SLC35F1: variants seen among roughly 807,000 people sequenced by gnomAD.
SLC35F1 encodes chromosome 6 open reading frame 169.
A neutral mutation model predicts 48.7 loss-of-function variants in SLC35F1; 14 were observed. That is an observed-to-expected ratio of 0.29 (90% CI 0.19 to 0.45). The LOEUF (loss-of-function observed/expected upper bound fraction) is 0.45, where lower values mean the gene tolerates loss of function less well. Ranked by LOEUF, SLC35F1 falls within the 20% of genes least tolerant of loss-of-function variation. SLC35F1 has a pLI of 1.00. For missense variants in SLC35F1, 404 were observed against 500.0 expected (o/e 0.81, Z 1.83); for synonymous variants, 190 against 202.2 (o/e 0.94, Z 0.51).
chr6:117,987,642 C>A (rs1165386895), intron 1 of SLC35F1, among the ~76,000 whole-genome samples: 3 of 152,058 alleles, frequency 2.0e-5, no homozygotes, highest in African/African-American at 7.2e-5. Flanking sequence ...TTAAGAATGG[C>A]ATGGGGGTGG....
intron 2 of SLC35F1, among the ~76,000 whole-genome samples, chr6:118,228,714 A>T (rs1251742471): frequency 6.6e-6 from 1 of 152,090 alleles, no homozygotes; most frequent in African/African-American, 2.4e-5. Context: ...CACACAAAAA[A>T]TACTCAAACT....
At chr6:117,962,883 G>T (rs1310216043) in intron 1 of SLC35F1, among the ~76,000 whole-genome samples, 1 of 152,190 alleles carries the variant, frequency 6.6e-6, no homozygotes, top group Admixed American at 6.5e-5. Flanking sequence ...GTGTGAAGGG[G>T]ACAGTGTGTT....
At chr6:117,913,156 G>C (rs1425382942) in intron 1 of SLC35F1, among the ~76,000 whole-genome samples, 1 of 152,224 alleles carries the variant, frequency 6.6e-6, no homozygotes, top group Non-Finnish European at 1.5e-5. Flanking sequence ...TCAGGCCAAT[G>C]AGCATGCCCT....
intron 1 of SLC35F1, among the ~76,000 whole-genome samples, chr6:118,021,434 A>G (rs5003341): frequency 0.028 from 4,288 of 152,270 alleles, 205 homozygotes; most frequent in African/African-American, 0.099. Context: ...GCATGTCCCT[A>G]TGGCCTTCTG....
chr6:118,099,668 C>G (rs768404859), intron 1 of SLC35F1, among the ~76,000 whole-genome samples: 3 of 152,046 alleles, frequency 2.0e-5, no homozygotes, highest in Non-Finnish European at 4.4e-5. Context: ...TAAAAATAGC[C>G]CGGTGGCCAA....
chr6:118,148,790 A>G (rs1774012741), intron 1 of SLC35F1, among the ~76,000 whole-genome samples: 1 of 152,192 alleles, frequency 6.6e-6, no homozygotes, highest in African/African-American at 2.4e-5. Context: ...CATATTTAGC[A>G]TCATTTTTGC....
intron 1 of SLC35F1, among the ~76,000 whole-genome samples, chr6:118,103,731 G>A (rs565484510): frequency 6.6e-6 from 1 of 152,326 alleles, no homozygotes; most frequent in Admixed American, 6.5e-5. Context: ...TTTTGAAAGG[G>A]TGGATTATGA....
At chr6:118,166,379 T>C (rs1774318446) in intron 2 of SLC35F1, among the ~76,000 whole-genome samples, 1 of 152,132 alleles carries the variant, frequency 6.6e-6, no homozygotes, top group African/African-American at 2.4e-5. Context: ...CTTACCAGAT[T>C]CAAAGCAGCA....
intron 1 of SLC35F1, among the ~76,000 whole-genome samples, chr6:118,032,099 T>A (rs1414163967): frequency 1.3e-5 from 2 of 152,218 alleles, no homozygotes; most frequent in Non-Finnish European, 2.9e-5. Flanking sequence ...TATTTCACAG[T>A]ATATTAACAA....
At chr6:118,308,580 A>T (rs1776338763) in intron 7 of SLC35F1, among the ~76,000 whole-genome samples, 1 of 152,136 alleles carries the variant, frequency 6.6e-6, no homozygotes, top group African/African-American at 2.4e-5. Flanking sequence ...AGATTCCAAG[A>T]CTCTACCCTT....
chr6:118,301,410 G>A (rs974722462), intron 7 of SLC35F1, among the ~76,000 whole-genome samples: 12 of 152,068 alleles, frequency 7.9e-5, no homozygotes, highest in African/African-American at 2.9e-4. Context: ...TTGATAGATT[G>A]CTTAGGGAAC....
chr6:118,019,588 C>G (rs1489993074), intron 1 of SLC35F1, among the ~76,000 whole-genome samples: 1 of 151,952 alleles, frequency 6.6e-6, no homozygotes, highest in African/African-American at 2.4e-5. Context: ...CGCTACTGCA[C>G]TCCAGCCTGG....
intron 2 of SLC35F1, among the ~76,000 whole-genome samples, chr6:118,233,317 T>C (rs1214137510): frequency 6.6e-6 from 1 of 152,210 alleles, no homozygotes; most frequent in African/African-American, 2.4e-5. Flanking sequence ...AGGTTGAGAA[T>C]CACTGATTGA....
chr6:118,250,029 T>C (rs1775553931), intron 3 of SLC35F1, among the ~76,000 whole-genome samples: 1 of 152,324 alleles, frequency 6.6e-6, no homozygotes. Flanking sequence ...CCCCAAGTGG[T>C]TCAGAGTAAT....
chr6:118,083,947 G>A (rs577047748), intron 1 of SLC35F1, among the ~76,000 whole-genome samples: 260 of 152,192 alleles, frequency 1.7e-3, no homozygotes, highest in African/African-American at 6.0e-3. Context: ...CTTTATACAC[G>A]GACACTTAGC....
chr6:117,925,819 T>G (rs1217695855), intron 1 of SLC35F1, among the ~76,000 whole-genome samples: 1 of 152,122 alleles, frequency 6.6e-6, no homozygotes, highest in Admixed American at 6.6e-5. Flanking sequence ...CTGGTCTGTA[T>G]ATCCATACCA....
chr6:118,110,358 G>C (rs1385697575), intron 1 of SLC35F1, among the ~76,000 whole-genome samples: 1 of 152,110 alleles, frequency 6.6e-6, no homozygotes, highest in African/African-American at 2.4e-5. Context: ...ACCTGTATTG[G>C]TAGAAACAAT....
At chr6:118,006,869 T>C (rs1195775346) in intron 1 of SLC35F1, among the ~76,000 whole-genome samples, 1 of 152,128 alleles carries the variant, frequency 6.6e-6, no homozygotes, top group Non-Finnish European at 1.5e-5. Flanking sequence ...TGTGAATATG[T>C]TACATGCATG....
At chr6:118,144,647 C>G (rs113838335) in intron 1 of SLC35F1, among the ~76,000 whole-genome samples, 2,876 of 150,380 alleles carry the variant, frequency 0.019, 91 homozygotes, top group African/African-American at 0.062. Flanking sequence ...TCAGTTGTCT[C>G]TAAAGTAAGA....
Sources: gnomAD v4.1 joint callset for allele counts (sites outside exome capture counted in the v4.1 genomes callset) on GRCh38, gnomAD v4.1.1 for gene constraint, MANE v1.5 for transcripts, NCBI Gene and HGNC (gene_info 2026-07-23, HGNC 2026-07-21) for gene names.